Variants in C1orf21 observed in about 807,000 individuals in gnomAD.
The protein encoded by C1orf21 is uncharacterized protein C1orf21.
In C1orf21, 3 loss-of-function variants were observed where a neutral mutation model predicts 18.7. The ratio of observed to expected loss-of-function variants is 0.16; its 90% CI spans 0.07 to 0.42. The LOEUF (loss-of-function observed/expected upper bound fraction) is 0.42, where lower values mean the gene tolerates loss of function less well. C1orf21 is among the 10% of genes least tolerant of loss of function. The probability of loss-of-function intolerance (pLI) is 0.99; values close to 1 mark genes in which losing one functional copy is unlikely to be tolerated. For synonymous variants in C1orf21, 41 were observed against 46.4 expected (o/e 0.88, Z 0.47); for missense variants, 104 against 143.6 (o/e 0.72, Z 1.41).
At chr1:184,580,255 C>T (rs745613045) in intron 3 of C1orf21, among the ~76,000 whole-genome samples, 1 of 152,182 alleles carries the variant, frequency 6.6e-6, no homozygotes, top group Non-Finnish European at 1.5e-5. Context: ...GGTAAAGCCA[C>T]GTTTCATCTC....
chr1:184,563,933 A>G (rs894917704), intron 3 of C1orf21, among the ~76,000 whole-genome samples: 2 of 152,246 alleles, frequency 1.3e-5, no homozygotes, highest in African/African-American at 4.8e-5. Flanking sequence ...TCTGTGACCT[A>G]GTTTCCTCCT....
chr1:184,439,230 A>G (rs1656907695), intron 1 of C1orf21, among the ~76,000 whole-genome samples: 1 of 151,980 alleles, frequency 6.6e-6, no homozygotes, highest in Non-Finnish European at 1.5e-5. Flanking sequence ...AACCAAAACC[A>G]AAACAAAACT....
intron 3 of C1orf21, among the ~76,000 whole-genome samples, chr1:184,541,398 A>G (rs1658648271): frequency 6.6e-6 from 1 of 152,172 alleles, no homozygotes; most frequent in African/African-American, 2.4e-5. Context: ...TCATCATTAG[A>G]AGAACCAGCC....
intron 1 of C1orf21, among the ~76,000 whole-genome samples, chr1:184,426,119 C>A (rs1057330099): frequency 1.3e-5 from 2 of 152,236 alleles, no homozygotes; most frequent in African/African-American, 2.4e-5. Context: ...AGAAATGTGG[C>A]CCTGTGTTAA....
intron 2 of C1orf21, among the ~76,000 whole-genome samples, chr1:184,499,583 A>G (rs1657942805): frequency 6.6e-6 from 1 of 152,100 alleles, no homozygotes; most frequent in Non-Finnish European, 1.5e-5. Context: ...ACAAAGGATT[A>G]TGATTTGGAA....
intron 3 of C1orf21, among the ~76,000 whole-genome samples, chr1:184,548,011 G>A (rs1658751622): frequency 6.6e-6 from 1 of 152,146 alleles, no homozygotes; most frequent in Non-Finnish European, 1.5e-5. Context: ...CCTGACCATA[G>A]CAGAGGCTGC....
chr1:184,577,407 C>T (rs1227877734), intron 3 of C1orf21, among the ~76,000 whole-genome samples: 2 of 151,932 alleles, frequency 1.3e-5, no homozygotes, highest in Non-Finnish European at 2.9e-5. Flanking sequence ...AGGCGGCCCT[C>T]CAGAAGTGTC....
At chr1:184,546,887 G>A (rs1658735539) in intron 3 of C1orf21, among the ~76,000 whole-genome samples, 2 of 152,130 alleles carry the variant, frequency 1.3e-5, no homozygotes, top group African/African-American at 2.4e-5. Flanking sequence ...GGGCAGCCTC[G>A]CCATCCCCAT....
chr1:184,596,958 A>G (rs1054737941), intron 4 of C1orf21, among the ~76,000 whole-genome samples: 2 of 152,162 alleles, frequency 1.3e-5, no homozygotes, highest in Non-Finnish European at 2.9e-5. Context: ...TGAAATTTAG[A>G]AAGATTTGCA....
intron 1 of C1orf21, among the ~76,000 whole-genome samples, chr1:184,391,645 A>G (rs953134947): frequency 1.3e-5 from 2 of 152,220 alleles, no homozygotes; most frequent in Non-Finnish European, 2.9e-5. Flanking sequence ...AGGATTTTTA[A>G]ATGTTGAGAC....
At position 184,610,285 on chromosome 1, in the gene C1orf21, A is replaced by G. The variant is rs192663906; in HGVS notation, c.328-9233A>G. 1.7e-3 allele frequency among the ~76,000 whole-genome samples: 259 copies of G among 152,358 alleles called. 1 individual carries two copies. The highest frequency in any genetic ancestry group is 6.8e-3 in the Middle Eastern group (2 of 294). On this transcript the variant is annotated intron_variant, in intron 5 of 5. Transcript: ENST00000235307. ...CATACTCATTCATTTACTTTTATCTATGGCCGCTTTCAAGCTTACAATGGC... is the reference window on the plus strand; with the variant it reads ...CATACTCATTCATTTACTTTTATCTGTGGCCGCTTTCAAGCTTACAATGGC...
chr1:184,515,493 G>T (rs1225969073), intron 3 of C1orf21, among the ~76,000 whole-genome samples: 1 of 152,122 alleles, frequency 6.6e-6, no homozygotes, highest in African/African-American at 2.4e-5. Context: ...GCGTCGTTAC[G>T]TAGGTTACCA....
At chr1:184,394,480 T>G (rs1656019449) in intron 1 of C1orf21, among the ~76,000 whole-genome samples, 1 of 152,214 alleles carries the variant, frequency 6.6e-6, no homozygotes. Flanking sequence ...AGGGATGTAC[T>G]CTCAACAAAC....
intron 1 of C1orf21, among the ~76,000 whole-genome samples, chr1:184,423,842 T>C (rs1333215476): frequency 4.0e-5 from 6 of 149,624 alleles, no homozygotes; most frequent in African/African-American, 1.5e-4. Flanking sequence ...ATCCCTCCAC[T>C]CATCCATCCA....
At chr1:184,572,673 G>A (rs1365456549) in intron 3 of C1orf21, among the ~76,000 whole-genome samples, 1 of 152,132 alleles carries the variant, frequency 6.6e-6, no homozygotes. Context: ...TATGCTTCAG[G>A]CCAGGTGCGG....
At chr1:184,513,193 T>C (rs186740337) in intron 3 of C1orf21, among the ~76,000 whole-genome samples, 2 of 152,284 alleles carry the variant, frequency 1.3e-5, no homozygotes, top group Admixed American at 1.3e-4. Context: ...TTAGAAGAAA[T>C]TATGTGAGAA....
At chr1:184,483,566 G>A (rs1418694028) in intron 2 of C1orf21, among the ~76,000 whole-genome samples, 1 of 152,058 alleles carries the variant, frequency 6.6e-6, no homozygotes, top group African/African-American at 2.4e-5. Flanking sequence ...TTTGCAGTTA[G>A]TTTCCAGATC....
chr1:184,598,468 A>G lies in C1orf21; in HGVS notation c.327+7A>G. ...GGATGAAAAAATTGAAAAGGTAAGA[A>G]GTGAAATAAATAACCTACATGTTTC... is the stretch of plus-strand genomic sequence containing the variant. On this transcript the variant is annotated splice_region_variant and intron_variant, in intron 5 of 5. Coordinates refer to ENST00000235307, the MANE Select transcript of C1orf21 (RefSeq NM_030806.4). The G allele has an allele frequency of 6.2e-7, 1 of 1,610,376 alleles. No individual in the cohort carries two copies. The highest frequency in any genetic ancestry group is 8.5e-7 in the Non-Finnish European group (1 of 1,177,294).
At chr1:184,456,343 T>C (rs980418741) in intron 1 of C1orf21, among the ~76,000 whole-genome samples, 15 of 152,222 alleles carry the variant, frequency 9.9e-5, no homozygotes, top group African/African-American at 3.6e-4. Context: ...GTATATATAC[T>C]GAAACCCGAT....
Sources: allele counts gnomAD v4.1 joint callset (sites outside exome capture counted in the v4.1 genomes callset), GRCh38; gene constraint gnomAD v4.1.1; transcripts MANE v1.5; gene names NCBI Gene and HGNC (gene_info 2026-07-23, HGNC 2026-07-21).